The following MYH9 variants were observed in gnomAD, a reference collection of about 807,000 sequenced individuals.
MYH9 encodes the protein myosin heavy chain 9.
A neutral mutation model predicts 241.9 loss-of-function variants in MYH9; 29 were observed. That is an observed-to-expected ratio of 0.12 (90% CI 0.09 to 0.16). MYH9 has a LOEUF of 0.16. Ranked by LOEUF, MYH9 falls within the 10% of genes least tolerant of loss-of-function variation. The pLI, the probability that MYH9 is intolerant of heterozygous loss-of-function variation, is 1.00. For synonymous variants in MYH9, 1,047 were observed against 1,062.6 expected (o/e 0.99, Z 0.29); for missense variants, 1,803 against 2,595.5 (o/e 0.69, Z 6.63).
chr22:36,368,201 G>C (rs6000259), intron 1 of MYH9, among the ~76,000 whole-genome samples: 6,968 of 152,254 alleles, frequency 0.046, 434 homozygotes, highest in African/African-American at 0.12. Flanking sequence ...GACCCTGTTG[G>C]TAATTAAATA....
At chr22:36,313,526 T>C (rs4820231) in intron 13 of MYH9, among the ~76,000 whole-genome samples, 79,271 of 148,310 alleles carry the variant, frequency 0.53, 23,540 homozygotes, top group Non-Finnish European at 0.68. Flanking sequence ...GATCATACCC[T>C]CAACAAGCCT....
At chr22:36,372,207 A>G (rs1169090791) in intron 1 of MYH9, among the ~76,000 whole-genome samples, 1 of 152,068 alleles carries the variant, frequency 6.6e-6, no homozygotes, top group East Asian at 1.9e-4. Flanking sequence ...ATAAATTCAG[A>G]CCACGTGCAG....
chr22:36,283,181 C>T (rs2016520848), intron 40 of MYH9, among the ~76,000 whole-genome samples: 1 of 152,110 alleles, frequency 6.6e-6, no homozygotes, highest in Admixed American at 6.6e-5. Flanking sequence ...AAGACAGGCA[C>T]CCTCTTTCTA....
intron 1 of MYH9, among the ~76,000 whole-genome samples, chr22:36,366,853 G>A (rs1327257087): frequency 6.6e-6 from 1 of 152,286 alleles, no homozygotes; most frequent in East Asian, 1.9e-4. Context: ...GATCACCCCT[G>A]GGGTGGCACA....
At chr22:36,347,329 C>G (rs934790461) in intron 2 of MYH9, among the ~76,000 whole-genome samples, 1 of 151,824 alleles carries the variant, frequency 6.6e-6, no homozygotes, top group Non-Finnish European at 1.5e-5. Context: ...TGGCAAGGGA[C>G]CAGCACTAAA....
intron 1 of MYH9, among the ~76,000 whole-genome samples, chr22:36,364,441 C>T (rs2017978871): frequency 6.6e-6 from 1 of 152,160 alleles, no homozygotes; most frequent in South Asian, 2.1e-4. Flanking sequence ...TCTTAAGTGC[C>T]TGATGTTAAG....
intron 1 of MYH9, among the ~76,000 whole-genome samples, chr22:36,378,495 C>T (rs1273723315): frequency 6.6e-6 from 1 of 152,078 alleles, no homozygotes; most frequent in African/African-American, 2.4e-5. Context: ...AAATTATCAC[C>T]GGAGACATTA....
At chr22:36,339,349 G>C (rs1185640715) in intron 3 of MYH9, among the ~76,000 whole-genome samples, 1 of 152,202 alleles carries the variant, frequency 6.6e-6, no homozygotes, top group Non-Finnish European at 1.5e-5. Flanking sequence ...CCAATTAAGA[G>C]AGCTGGGAGC....
At chr22:36,376,683 C>A (rs908249407) in intron 1 of MYH9, among the ~76,000 whole-genome samples, 1 of 152,204 alleles carries the variant, frequency 6.6e-6, no homozygotes, top group Non-Finnish European at 1.5e-5. Flanking sequence ...CCAGGGATTC[C>A]CCGATCAGTG....
At chr22:36,349,446 T>C (rs1204660844) in intron 1 of MYH9, among the ~76,000 whole-genome samples, 191 bp from the exon 2 acceptor site, 1 of 152,114 alleles carries the variant, frequency 6.6e-6, no homozygotes, top group Non-Finnish European at 1.5e-5. Flanking sequence ...AAAAACAAGT[T>C]GGGCCCAGGA....
intron 13 of MYH9, among the ~76,000 whole-genome samples, chr22:36,313,509 CATTACAG>C (rs1194024595): frequency 1.3e-5 from 2 of 150,978 alleles, no homozygotes; most frequent in African/African-American, 4.9e-5. Context: ...GCTCAGGCTT[CATTACAG>C]ATCATACCCT....
At position 36,338,819 on chromosome 22, in the gene MYH9, C is replaced by CA. The variant is rs1328134632; in HGVS notation, c.490+2550dup. 9.0e-3 allele frequency among the ~76,000 whole-genome samples: 992 copies of CA among 110,766 alleles called. 8 individuals carry two copies. Among genetic ancestry groups the CA allele is most frequent in the Admixed American group, 0.018 (189 of 10,538 alleles). 72.7% of individuals were successfully genotyped at this position (110,766 alleles called of 152,430 possible). ...TGGATGACAGAGTGAGACTCCATCT[C>CA]AAAAAAAAAAAAAAAGAAAAAGAAA... On this transcript the variant is annotated intron_variant, in intron 3 of 40. Coordinates refer to ENST00000216181, the MANE Select transcript of MYH9 (RefSeq NM_002473.6).
chr22:36,323,937 C>T (rs967808950), intron 5 of MYH9, among the ~76,000 whole-genome samples: 2 of 152,216 alleles, frequency 1.3e-5, no homozygotes, highest in Non-Finnish European at 2.9e-5. Context: ...GGCTTCCACC[C>T]ACAGGCCTCG....
Position 36,295,159 on chromosome 22 carries a change from G to C in MYH9, c.3486-83C>G, listed in dbSNP as rs567030502. 6.3e-7 allele frequency: 1 copy of C among 1,591,266 alleles called. No individual in the cohort carries two copies. The highest frequency in any genetic ancestry group is 1.3e-5 in the African/African-American group (1 of 74,462). On this transcript the variant is annotated intron_variant, in intron 26 of 40. Coordinates refer to ENST00000216181, the MANE Select transcript of MYH9 (RefSeq NM_002473.6). The surrounding 1 kb of genome is among the most constrained non-coding windows in gnomAD (Gnocchi z 4.1). ...TGGGGCTCTTCCCTGACCAAAGAGA[G>C]GCCTGGCCAGGGCACAGGCACTCCA...
chr22:36,321,805 A>T lies in MYH9; in HGVS notation c.722T>A (p.Ile241Asn), dbSNP rs959415898. 1 of 1,614,138 alleles carries T rather than the reference A, an allele frequency of 6.2e-7. No individual in the cohort carries two copies. Among genetic ancestry groups the T allele is most frequent in the Non-Finnish European group, 8.5e-7 (1 of 1,179,974 alleles). Residue 241 changes from isoleucine (I) to asparagine (N), a missense_variant, in exon 7 of 41, where the codon ATC becomes AAC. By Grantham distance (149) the Ile-to-Asn change is moderately radical. This residue lies in a region of MYH9 where 222 missense variants were observed against 359.9 expected (regional missense o/e 0.62). Transcript: ENST00000216181. Reference protein sequence around the residue: ...NSSRFGKFIRINFDVNGYIVG... With the variant: ...NSSRFGKFIRNNFDVNGYIVG... ...AATGTAGCCATTGACATCAAAGTTG[A>T]TGCGAATGAATTTGCCCTAAGTAAG...
intron 12 of MYH9, 37 bp from the exon 13 acceptor site, chr22:36,314,355 C>A: frequency 1.2e-6 from 2 of 1,612,276 alleles, no homozygotes; most frequent in East Asian, 2.2e-5. Context: ...GAGACGCCAA[C>A]CCTGCACTAA....
Position 36,288,488 on chromosome 22 carries a change from C to T in MYH9, c.4771-75G>A. 8 of 1,582,304 alleles carry T rather than the reference C, an allele frequency of 5.1e-6. No homozygotes were observed. Among genetic ancestry groups the T allele is most frequent in the South Asian group, 1.1e-5 (1 of 90,502 alleles). On this transcript the variant is annotated intron_variant, in intron 33 of 40. Transcript: ENST00000216181. The surrounding 1 kb of genome is among the most constrained non-coding windows in gnomAD (Gnocchi z 4.8). Reference sequence around the variant, plus strand: ...CCTGCCCTAGCTCTGAACTCAGGAGCCTCAGGCCAGTTCTGCAGGATCCAT... The same window carrying T: ...CCTGCCCTAGCTCTGAACTCAGGAGTCTCAGGCCAGTTCTGCAGGATCCAT...
Position 36,283,559 on chromosome 22 carries a change from TA to T in MYH9, c.5765+533del, listed in dbSNP as rs547870738. 4.8e-3 allele frequency among the ~76,000 whole-genome samples: 613 copies of T among 127,776 alleles called. 6 individuals are homozygous for T. The highest frequency in any genetic ancestry group is 0.015 in the African/African-American group (501 of 33,466). 83.8% of individuals were successfully genotyped at this position (127,776 alleles called of 152,430 possible). A position where few individuals can be genotyped will look rare whatever the true frequency, so the allele number is the denominator to read the frequency against. On this transcript the variant is annotated intron_variant, in intron 40 of 40. Transcript: ENST00000216181. Reference sequence around the variant, plus strand: ...TCTCAAAAAAAAAAAACAAAAAAAATAAAAAAAACACGTAAACACATAAGAA... The same window carrying T: ...TCTCAAAAAAAAAAAACAAAAAAAATAAAAAAACACGTAAACACATAAGAA...
chr22:36,314,364 A>C, intron 12 of MYH9, 46 bp from the exon 13 acceptor site: 1 of 1,609,298 alleles, frequency 6.2e-7, no homozygotes, highest in Non-Finnish European at 8.5e-7. Flanking sequence ...ACCCTGCACT[A>C]AAGAGGCCCA....
Sources: allele counts gnomAD v4.1 joint callset (sites outside exome capture counted in the v4.1 genomes callset), GRCh38; gene constraint gnomAD v4.1.1; regional missense constraint gnomAD v4.1.1; non-coding constraint Gnocchi (gnomAD v3.1); transcripts MANE v1.5; gene names NCBI Gene and HGNC (gene_info 2026-07-23, HGNC 2026-07-21).